Variants in SUCLG2 observed in about 807,000 individuals in gnomAD.
SUCLG2 encodes succinate-CoA ligase GDP-forming subunit beta.
SUCLG2 carries 42 observed loss-of-function variants against 47.9 expected under a neutral mutation model. The observed-to-expected ratio is 0.88, with a 90% confidence interval of 0.69 to 1.14. SUCLG2 has a LOEUF of 1.14. Ranked by LOEUF, SUCLG2 falls within the 50% of genes most tolerant of loss-of-function variation. SUCLG2 has a pLI of 0.00. For synonymous variants in SUCLG2, 195 were observed against 197.3 expected, an observed-to-expected ratio of 0.99 and a Z score of 0.10; for missense variants, 571 against 525.9, an observed-to-expected ratio of 1.09 and a Z score of -0.84.
chr3:67,577,609 G>C (rs999243833), intron 2 of SUCLG2, among the ~76,000 whole-genome samples: 1 of 152,164 alleles, frequency 6.6e-6, no homozygotes, highest in African/African-American at 2.4e-5. Context: ...AACCTGTGGA[G>C]ACCTAACACA....
downstream of SUCLG2, among the ~76,000 whole-genome samples, chr3:67,372,636 A>T (rs1701970254): frequency 6.6e-6 from 1 of 152,150 alleles, no homozygotes; most frequent in Non-Finnish European, 1.5e-5. Flanking sequence ...AAAGTAACAA[A>T]ACTGAATTGG....
At chr3:67,412,068 G>A (rs1286226714) in intron 9 of SUCLG2, among the ~76,000 whole-genome samples, 3 of 152,148 alleles carry the variant, frequency 2.0e-5, no homozygotes, top group Admixed American at 1.3e-4. Context: ...ATTCTCAGCT[G>A]TAGACAATAT....
intron 9 of SUCLG2, among the ~76,000 whole-genome samples, chr3:67,435,210 T>C (rs200591692): frequency 1.3e-5 from 2 of 152,194 alleles, no homozygotes; most frequent in East Asian, 3.9e-4. Flanking sequence ...GTTTGCAACC[T>C]TGTAATATTG....
At chr3:67,548,001 T>A (rs945914615) in intron 2 of SUCLG2, among the ~76,000 whole-genome samples, 1 of 152,192 alleles carries the variant, frequency 6.6e-6, no homozygotes, top group Non-Finnish European at 1.5e-5. Context: ...ACCAGGCACA[T>A]AGCAGGCCCT....
intron 10 of SUCLG2, chr3:67,376,125 T>C: frequency 2.0e-6 from 2 of 985,376 alleles, no homozygotes; most frequent in Non-Finnish European, 2.4e-6. Context: ...TGTCTGCTGA[T>C]AATCACAGCC....
At chr3:67,360,879 C>T (rs1701794110) in intron 10 of SUCLG2, 2 of 873,738 alleles carry the variant, frequency 2.3e-6, no homozygotes, top group African/African-American at 3.4e-5. Context: ...TTAATGGAAA[C>T]ATCGTGTTAC....
At chr3:67,451,091 A>T (rs1414016573) in intron 9 of SUCLG2, among the ~76,000 whole-genome samples, 1 of 152,212 alleles carries the variant, frequency 6.6e-6, no homozygotes, top group African/African-American at 2.4e-5. Context: ...AAGTGATAGC[A>T]GTGTCTTATA....
intron 1 of SUCLG2, 116 bp from the exon 2 acceptor site, chr3:67,609,712 G>T: frequency 1.1e-6 from 1 of 944,328 alleles, no homozygotes; most frequent in South Asian, 2.3e-5. Context: ...ACCCAGAGTT[G>T]AGAGAAGCAA....
At chr3:67,626,406 A>G (rs1700830253) in intron 1 of SUCLG2, among the ~76,000 whole-genome samples, 1 of 152,056 alleles carries the variant, frequency 6.6e-6, no homozygotes, top group Admixed American at 6.5e-5. Flanking sequence ...AAAAACAGCA[A>G]TTGTAGGGTA....
chr3:67,544,569 T>G (rs1023600869), intron 2 of SUCLG2, among the ~76,000 whole-genome samples: 1 of 152,182 alleles, frequency 6.6e-6, no homozygotes. Context: ...CTTTCCTTTA[T>G]AAATTACTAG....
At chr3:67,550,425 G>A (rs60954711) in intron 2 of SUCLG2, among the ~76,000 whole-genome samples, 7,347 of 151,922 alleles carry the variant, frequency 0.048, 236 homozygotes, top group African/African-American at 0.088. Flanking sequence ...CTGCAGCCTC[G>A]AACTCCCGGG....
Position 67,375,867 on chromosome 3 carries a change from G to C in SUCLG2, c.1184-8C>G. 5 of 1,611,958 alleles carry C rather than the reference G, an allele frequency of 3.1e-6. No individual in the cohort carries two copies. The highest frequency in any genetic ancestry group is 4.2e-6 in the Non-Finnish European group (5 of 1,179,092). ...CCTCTTGGACGTTGGTTCCTAGAAG[G>C]GGGACAGGGAACAATCACTGAATGA... On this transcript the variant is annotated splice_polypyrimidine_tract_variant and splice_region_variant and intron_variant, in intron 10 of 10. Transcript: ENST00000307227.
At chr3:67,646,009 C>A (rs1701183776) in intron 1 of SUCLG2, among the ~76,000 whole-genome samples, 1 of 149,810 alleles carries the variant, frequency 6.7e-6, no homozygotes. Context: ...AGCTATAATG[C>A]TGATCCCTAC....
intron 2 of SUCLG2, among the ~76,000 whole-genome samples, chr3:67,559,513 A>T (rs1707251790): frequency 6.6e-6 from 1 of 152,192 alleles, no homozygotes; most frequent in Admixed American, 6.5e-5. Context: ...TCATGAGAAC[A>T]GCATAGGGGA....
chr3:67,439,752 C>T (rs148096996), intron 9 of SUCLG2, among the ~76,000 whole-genome samples: 1 of 152,288 alleles, frequency 6.6e-6, no homozygotes, highest in Non-Finnish European at 1.5e-5. Context: ...AATGGAAAAA[C>T]ATTCCATGCT....
chr3:67,510,215 C>T (rs891593715), intron 6 of SUCLG2, among the ~76,000 whole-genome samples: 6 of 152,232 alleles, frequency 3.9e-5, no homozygotes, highest in Admixed American at 2.0e-4. Flanking sequence ...AAAGTAAATC[C>T]CCACTGGTGT....
chr3:67,623,689 A>G (rs56162614), intron 1 of SUCLG2, among the ~76,000 whole-genome samples: 8,706 of 152,224 alleles, frequency 0.057, 340 homozygotes, highest in African/African-American at 0.11. Flanking sequence ...AAAGTACTAG[A>G]TATTTTTATT....
At chr3:67,412,019 C>A (rs892933713) in intron 9 of SUCLG2, among the ~76,000 whole-genome samples, 2 of 152,158 alleles carry the variant, frequency 1.3e-5, no homozygotes, top group African/African-American at 4.8e-5. Context: ...TCATTCTACA[C>A]TGACCAGCAG....
chr3:67,446,770 C>T (rs924135370), intron 9 of SUCLG2, among the ~76,000 whole-genome samples: 2 of 151,844 alleles, frequency 1.3e-5, no homozygotes, highest in Non-Finnish European at 2.9e-5. Flanking sequence ...GCCAGGCACT[C>T]AAAGAATGTT....
Sources: allele counts gnomAD v4.1 joint callset (sites outside exome capture counted in the v4.1 genomes callset), GRCh38; gene constraint gnomAD v4.1.1; transcripts MANE v1.5; gene names NCBI Gene and HGNC (gene_info 2026-07-23, HGNC 2026-07-21).